Variants in RBFOX1 observed in about 807,000 individuals in gnomAD.
The protein encoded by RBFOX1 is RNA binding fox-1 homolog 1, also known as RNA binding protein fox-1 homolog 1.
RBFOX1 carries 8 observed loss-of-function variants against 57.7 expected under a neutral mutation model. The observed-to-expected ratio is 0.14, with a 90% CI of 0.08 to 0.25. The LOEUF is 0.25. Ranked by LOEUF, RBFOX1 falls within the 10% of genes least tolerant of loss-of-function variation. The pLI, the probability that RBFOX1 is intolerant of heterozygous loss-of-function variation, is 1.00. For synonymous variants in RBFOX1, 326 were observed against 222.4 expected (o/e 1.47, Z -4.15); for missense variants, 611 against 548.5 (o/e 1.11, Z -1.14).
At chr16:5,880,597 T>C (rs2057738622) in intron 4 of RBFOX1, among the ~76,000 whole-genome samples, 1 of 152,216 alleles carries the variant, frequency 6.6e-6, no homozygotes, top group African/African-American at 2.4e-5. Context: ...AAAGACCTGC[T>C]AGAGGTCACC....
At chr16:5,926,556 G>A (rs1333617258) in intron 4 of RBFOX1, among the ~76,000 whole-genome samples, 1 of 152,150 alleles carries the variant, frequency 6.6e-6, no homozygotes, top group Non-Finnish European at 1.5e-5. Context: ...AGGAGATTTG[G>A]ATTCTACTAC....
chr16:6,675,790 A>G (rs903751412), intron 3 of RBFOX1, among the ~76,000 whole-genome samples: 8 of 152,174 alleles, frequency 5.3e-5, no homozygotes, highest in Non-Finnish European at 1.0e-4. Context: ...ACAGTATGGG[A>G]AAACCACTGC....
chr16:6,855,621 C>G (rs904457001), intron 3 of RBFOX1, among the ~76,000 whole-genome samples: 7 of 147,252 alleles, frequency 4.8e-5, no homozygotes, highest in African/African-American at 1.8e-4. Flanking sequence ...CCACTTCACT[C>G]CAGCCTGGGC....
At position 5,639,724 on chromosome 16, in the gene RBFOX1, C is replaced by T. The variant is rs113228470; in HGVS notation, c.318+40763C>T. On this transcript the variant is annotated intron_variant, in intron 3 of 19. Coordinates refer to the RBFOX1 transcript ENST00000641259. ...TAGGTGGCTGAGGTGGGAGGCTGCTCGGCATTTGGGCGGAACAAGATGACT... is the reference window on the plus strand; with the variant it reads ...TAGGTGGCTGAGGTGGGAGGCTGCTTGGCATTTGGGCGGAACAAGATGACT... Among the ~76,000 whole-genome samples the T allele has an allele frequency of 9.0e-3, 1,377 of 152,246 alleles. 31 individuals carry two copies. The highest frequency in any genetic ancestry group is 0.031 in the African/African-American group (1,272 of 41,546).
chr16:5,659,071 A>G (rs1184701050), intron 3 of RBFOX1, among the ~76,000 whole-genome samples: 1 of 151,902 alleles, frequency 6.6e-6, no homozygotes, highest in African/African-American at 2.4e-5. Context: ...TAGTTCTTTA[A>G]GGAATCTCCA....
chr16:6,464,966 C>A (rs1184289168), intron 2 of RBFOX1, among the ~76,000 whole-genome samples: 2 of 152,198 alleles, frequency 1.3e-5, no homozygotes, highest in Non-Finnish European at 1.5e-5. Flanking sequence ...AAATCACTTA[C>A]TAGCTCAGGT....
intron 9 of RBFOX1, among the ~76,000 whole-genome samples, chr16:7,604,934 G>A (rs1011264570): frequency 6.6e-6 from 1 of 152,208 alleles, no homozygotes; most frequent in Non-Finnish European, 1.5e-5. Context: ...AGGAGCATCA[G>A]TAGAGTATGA....
chr16:6,827,604 C>A (rs1468870632), intron 3 of RBFOX1, among the ~76,000 whole-genome samples: 2 of 152,152 alleles, frequency 1.3e-5, no homozygotes, highest in African/African-American at 4.8e-5. Context: ...CTCAGAGTAT[C>A]CCCTGCCAGC....
chr16:6,578,864 C>A (rs539330631), intron 2 of RBFOX1, among the ~76,000 whole-genome samples: 1 of 151,624 alleles, frequency 6.6e-6, no homozygotes, highest in Non-Finnish European at 1.5e-5. Flanking sequence ...AAGAATGATA[C>A]AATGGACTTT....
intron 11 of RBFOX1, among the ~76,000 whole-genome samples, chr16:7,639,019 C>T (rs547262138): frequency 6.6e-6 from 1 of 152,150 alleles, no homozygotes; most frequent in East Asian, 1.9e-4. Context: ...GTACCCTTCT[C>T]CTGGTACCTA....
intron 2 of RBFOX1, among the ~76,000 whole-genome samples, chr16:6,595,466 A>G (rs1056652266): frequency 6.6e-6 from 1 of 152,218 alleles, no homozygotes; most frequent in Non-Finnish European, 1.5e-5. Context: ...TTGGTTGTCA[A>G]ACATTTGGAT....
chr16:5,487,210 A>T (rs960228263), intron 2 of RBFOX1, among the ~76,000 whole-genome samples: 4 of 152,172 alleles, frequency 2.6e-5, no homozygotes, highest in Non-Finnish European at 5.9e-5. Flanking sequence ...CTACATAATT[A>T]TCTGGCTATT....
At chr16:5,663,371 A>ATT (rs756775964) in intron 3 of RBFOX1, among the ~76,000 whole-genome samples, 4 of 142,264 alleles carry the variant, frequency 2.8e-5, no homozygotes, top group East Asian at 2.0e-4. Context: ...TGCCCAGCTA[A>ATT]TTTTTTTTTT....
At chr16:5,765,589 G>T (rs2053748362) in intron 3 of RBFOX1, among the ~76,000 whole-genome samples, 1 of 152,146 alleles carries the variant, frequency 6.6e-6, no homozygotes, top group South Asian at 2.1e-4. Context: ...ATGAAAGAAT[G>T]GCTGTCCAGC....
intron 3 of RBFOX1, among the ~76,000 whole-genome samples, chr16:7,008,209 G>C (rs892279702): frequency 3.3e-5 from 5 of 152,096 alleles, no homozygotes; most frequent in Non-Finnish European, 5.9e-5. Flanking sequence ...TGGCGAATTG[G>C]CTTTAATGAG....
chr16:6,444,898 C>G (rs548155643), intron 2 of RBFOX1, among the ~76,000 whole-genome samples: 17 of 152,136 alleles, frequency 1.1e-4, no homozygotes, highest in Non-Finnish European at 1.6e-4. Context: ...AAAAATGGAA[C>G]GGCCAGGTTT....
At chr16:6,817,877 T>G (rs1358848202) in intron 3 of RBFOX1, among the ~76,000 whole-genome samples, 1 of 152,130 alleles carries the variant, frequency 6.6e-6, no homozygotes, top group Non-Finnish European at 1.5e-5. Context: ...CCCAAGCCCT[T>G]CATGAAGGCT....
intron 6 of RBFOX1, among the ~76,000 whole-genome samples, chr16:7,582,227 T>G (rs2093827355): frequency 6.6e-6 from 1 of 152,158 alleles, no homozygotes; most frequent in Admixed American, 6.6e-5. Flanking sequence ...AGATGTCAAT[T>G]TGGCAAGATG....
At chr16:6,663,720 G>C (rs970993558) in intron 3 of RBFOX1, among the ~76,000 whole-genome samples, 1 of 152,208 alleles carries the variant, frequency 6.6e-6, no homozygotes, top group African/African-American at 2.4e-5. Flanking sequence ...CATTAAAATG[G>C]AAGAAGCTCC....
Sources: allele counts gnomAD v4.1 joint callset (sites outside exome capture counted in the v4.1 genomes callset), GRCh38; gene constraint gnomAD v4.1.1; transcripts MANE v1.5; gene names NCBI Gene and HGNC (gene_info 2026-07-23, HGNC 2026-07-21).